Variants in TTC21B observed in about 807,000 individuals in gnomAD.
TTC21B encodes tetratricopeptide repeat protein 21B.
TTC21B carries 127 observed loss-of-function variants against 175.1 expected under a neutral mutation model. The ratio of observed to expected loss-of-function variants is 0.73; its 90% confidence interval spans 0.63 to 0.84. TTC21B has a LOEUF of 0.84. Ranked by LOEUF, TTC21B falls within the 40% of genes least tolerant of loss-of-function variation. The pLI is 0.00. For synonymous variants in TTC21B, 524 were observed against 524.5 expected (o/e 1.00, Z 0.01); for missense variants, 1,561 against 1,558.3 (o/e 1.00, Z -0.03).
chr2:165,953,446 G>A (rs1046632173), intron 1 of TTC21B, among the ~76,000 whole-genome samples: 5 of 152,246 alleles, frequency 3.3e-5, no homozygotes, highest in African/African-American at 1.2e-4. Flanking sequence ...ATGGGGACCA[G>A]CAATTCAGAA....
rs1686671290 is a variant in TTC21B at position 165,927,069 on chromosome 2, TATATATATATATATATCCTAGTAG to T, written c.1386+2042_1386+2065del. On this transcript the variant is annotated intron_variant, in intron 11 of 28. Coordinates refer to ENST00000243344, the MANE Select transcript of TTC21B (RefSeq NM_024753.5). ...GTGTATATATATATATCCTAGTAGA[TATATATATATATATATCCTAGTAG>T]ATATATATATATATATATCCTAGTA... Among the ~76,000 whole-genome samples, 16 of 15,760 alleles carry T rather than the reference TATATATATATATATATCCTAGTAG, an allele frequency of 1.0e-3. 4 individuals carry two copies. The South Asian group carries it at 0.012, about 12-fold the overall frequency. 10.3% of individuals were successfully genotyped at this position (15,760 alleles called of 152,430 possible). A position where few individuals can be genotyped will look rare whatever the true frequency, so the allele number is the denominator to read the frequency against.
At chr2:165,890,402 G>T in intron 24 of TTC21B, 77 bp downstream of exon 24, 1 of 1,387,088 alleles carries the variant, frequency 7.2e-7, no homozygotes, top group South Asian at 1.2e-5. Flanking sequence ...CCTAAATTTA[G>T]TTCTTTTGTA....
intron 22 of TTC21B, among the ~76,000 whole-genome samples, chr2:165,891,756 T>C (rs1299055402): frequency 6.6e-6 from 1 of 151,062 alleles, no homozygotes; most frequent in African/African-American, 2.4e-5. Context: ...AAATAATGTA[T>C]AGACACTACA....
chr2:165,910,007 G>A (rs1559053034), intron 18 of TTC21B, among the ~76,000 whole-genome samples: 1 of 152,158 alleles, frequency 6.6e-6, no homozygotes, highest in Non-Finnish European at 1.5e-5. Context: ...TATACAAGTT[G>A]TTAAATATGG....
intron 6 of TTC21B, among the ~76,000 whole-genome samples, chr2:165,936,523 A>G (rs1477751882): frequency 6.6e-6 from 1 of 152,098 alleles, no homozygotes; most frequent in African/African-American, 2.4e-5. Flanking sequence ...GGGAGAAAAT[A>G]TTTATCAGAT....
chr2:165,951,710 T>C (rs1194913732), intron 1 of TTC21B, among the ~76,000 whole-genome samples: 2 of 152,196 alleles, frequency 1.3e-5, no homozygotes, highest in Non-Finnish European at 2.9e-5. Context: ...CTGGGCTAGC[T>C]ACTATGAATA....
At chr2:165,912,193 T>C (rs1166694362) in intron 17 of TTC21B, among the ~76,000 whole-genome samples, 1 of 152,186 alleles carries the variant, frequency 6.6e-6, no homozygotes, top group Non-Finnish European at 1.5e-5. Context: ...TTGCAAAAAT[T>C]GGTGCAACAG....
intron 13 of TTC21B, among the ~76,000 whole-genome samples, chr2:165,918,085 G>C (rs1686244785): frequency 6.6e-6 from 1 of 152,198 alleles, no homozygotes; most frequent in South Asian, 2.1e-4. Flanking sequence ...TGACGTGGCA[G>C]CCACCTAGCG....
chr2:165,891,735 T>C (rs1369914620), intron 22 of TTC21B, among the ~76,000 whole-genome samples: 2 of 152,020 alleles, frequency 1.3e-5, no homozygotes, highest in Admixed American at 6.6e-5. Flanking sequence ...AAATCTTTTT[T>C]AGGATTGCAA....
chr2:165,948,096 C>G (rs1687644415), intron 3 of TTC21B: 1 of 152,190 alleles, frequency 6.6e-6, no homozygotes, highest in Non-Finnish European at 1.5e-5. Context: ...AATCCTGAAC[C>G]ACTTCCATGT....
chr2:165,914,451 C>T (rs541762647), intron 15 of TTC21B, among the ~76,000 whole-genome samples: 1 of 152,098 alleles, frequency 6.6e-6, no homozygotes, highest in Non-Finnish European at 1.5e-5. Flanking sequence ...TCTAAACATG[C>T]GGTGCTGCTC....
intron 18 of TTC21B, among the ~76,000 whole-genome samples, chr2:165,910,686 TA>T (rs1685901024): frequency 6.6e-6 from 1 of 152,086 alleles, no homozygotes; most frequent in East Asian, 1.9e-4. Flanking sequence ...ATAATATGAA[TA>T]AAATTTCCTA....
At chr2:165,904,100 C>A (rs181077430) in intron 19 of TTC21B, among the ~76,000 whole-genome samples, 111 of 152,098 alleles carry the variant, frequency 7.3e-4, no homozygotes, top group African/African-American at 2.5e-3. Flanking sequence ...GCTCATGGGA[C>A]CATGGTGACT....
Position 165,874,821 on chromosome 2 carries a change from T to C in TTC21B, c.3885A>G (p.Ala1295=), listed in dbSNP as rs1384448637. The change falls in exon 29 of 29, where the codon GCA becomes GCG. Residue 1295 remains alanine, a synonymous_variant. Transcript: ENST00000243344. The stretch of plus-strand genomic sequence containing the variant: ...TTCTGATTTTTGGATAAGTTGGATG[T>C]GCTTCAAGAACCTGCAAAACAAATA... ...SIDICHQVLE[A]HPTYPKIRKD... 2 of 1,613,510 alleles carry C rather than the reference T, an allele frequency of 1.2e-6. No homozygotes were observed. The highest frequency in any genetic ancestry group is 2.7e-5 in the African/African-American group (2 of 74,896).
intron 11 of TTC21B, among the ~76,000 whole-genome samples, chr2:165,927,148 A>T (rs1289437639): frequency 1.7e-5 from 1 of 60,372 alleles, no homozygotes; most frequent in Non-Finnish European, 3.4e-5. Context: ...CCTAGTAGTT[A>T]TATATATATA....
Position 165,933,057 on chromosome 2 carries a change from C to A in TTC21B, c.711G>T (p.Arg237Ser), listed in dbSNP as rs764523560. 47 of 1,611,830 alleles carry A rather than the reference C, an allele frequency of 2.9e-5. No individual in the cohort carries two copies. Among genetic ancestry groups the A allele is most frequent in the Non-Finnish European group, 3.8e-5 (45 of 1,178,948 alleles). Residue 237 changes from arginine to serine, a missense_variant and splice_region_variant, in exon 7 of 29, where the codon AGG becomes AGT. By Grantham distance (110) the Arg-to-Ser change is moderately radical. Coordinates refer to ENST00000243344, the MANE Select transcript of TTC21B (RefSeq NM_024753.5). ...DWDQTVETAQ[R>S]LLLQDSQNVE... ...CATTTTGGCTATCTTGGAGCAGCAA[C>A]CTGCAGGAAAACAATTTAGTTAATG... is the stretch of plus-strand genomic sequence containing the variant.
At chr2:165,884,090 A>AAATGCTAC in intron 25 of TTC21B, 72 bp from the exon 26 acceptor site, 1 of 1,185,692 alleles carries the variant, frequency 8.4e-7, no homozygotes, top group Non-Finnish European at 1.2e-6. Flanking sequence ...AGAAAGCAGA[A>AAATGCTAC]AATGCTACAT....
At chr2:165,887,441 AGGTGG>A (rs976194635) in intron 25 of TTC21B, among the ~76,000 whole-genome samples, 1 of 152,034 alleles carries the variant, frequency 6.6e-6, no homozygotes, top group African/African-American at 2.4e-5. Flanking sequence ...GTAAGAAAAA[AGGTGG>A]AGGAGGCCGA....
At chr2:165,945,752 C>A in intron 3 of TTC21B, 62 bp from the exon 4 acceptor site, 1 of 1,550,780 alleles carries the variant, frequency 6.4e-7, no homozygotes, top group South Asian at 1.2e-5. Flanking sequence ...TATAATAGGT[C>A]AGATAATTAA....
Sources: allele counts gnomAD v4.1 joint callset (sites outside exome capture counted in the v4.1 genomes callset), GRCh38; gene constraint gnomAD v4.1.1; transcripts MANE v1.5; gene names NCBI Gene and HGNC (gene_info 2026-07-23, HGNC 2026-07-21).